The following COA1 variants were observed in gnomAD, a reference collection of about 807,000 sequenced individuals.
COA1 encodes the protein cytochrome c oxidase assembly factor 1.
In COA1, 13 loss-of-function variants were observed where a neutral mutation model predicts 16.0. The observed-to-expected ratio is 0.81, with a 90% CI of 0.53 to 1.29. COA1 has a LOEUF of 1.29. Ranked by LOEUF, COA1 falls within the 50% of genes most tolerant of loss-of-function variation. The pLI is 0.00. For missense variants in COA1, 179 were observed against 177.0 expected (o/e 1.01, Z -0.06); for synonymous variants, 65 against 65.7 (o/e 0.99, Z 0.05).
chr7:43,649,413 G>A (rs887626717), intron 1 of COA1: 17 of 152,246 alleles, frequency 1.1e-4, no homozygotes, highest in Admixed American at 9.8e-4. Flanking sequence ...AACAAACAGT[G>A]TCTCTGAGCT....
At chr7:43,620,766 GTTT>G (rs950504136) in intron 6 of COA1, among the ~76,000 whole-genome samples, 7 of 152,168 alleles carry the variant, frequency 4.6e-5, no homozygotes, top group African/African-American at 1.4e-4. Context: ...TGGAAAGGCA[GTTT>G]TTTAGACCAG....
intron 6 of COA1, among the ~76,000 whole-genome samples, chr7:43,620,051 A>C (rs943122551): frequency 6.6e-6 from 1 of 152,204 alleles, no homozygotes; most frequent in Non-Finnish European, 1.5e-5. Flanking sequence ...AGGACCTTTA[A>C]GGATGTTCTG....
chr7:43,647,404 G>A (rs1248732607), intron 3 of COA1, 131 bp downstream of exon 3: 3 of 719,636 alleles, frequency 4.2e-6, no homozygotes, highest in Non-Finnish European at 7.5e-6. Context: ...ACGAAATGGT[G>A]GACTAGCCTT....
intron 1 of COA1, among the ~76,000 whole-genome samples, chr7:43,662,393 C>A (rs1327531152): frequency 1.3e-5 from 2 of 152,154 alleles, no homozygotes; most frequent in South Asian, 2.1e-4. Flanking sequence ...CCACGCCCAG[C>A]TAAATTTTTT....
At chr7:43,678,981 T>G (rs1168701568) in intron 1 of COA1, among the ~76,000 whole-genome samples, 2 of 152,216 alleles carry the variant, frequency 1.3e-5, no homozygotes, top group African/African-American at 2.4e-5. Flanking sequence ...AAAGGAAAAT[T>G]TATAAGTATC....
chr7:43,646,428 T>C, intron 3 of COA1: 1 of 388,610 alleles, frequency 2.6e-6, no homozygotes, highest in Admixed American at 2.9e-5. Context: ...GCACTAACAT[T>C]ACCACACATC....
At position 43,619,461 on chromosome 7, in the gene COA1, A is replaced by G. The variant is rs2083649494; in HGVS notation, c.*134-9966T>C. The stretch of plus-strand genomic sequence containing the variant: ...TACATAGGCAATAAATTGTAAAAAT[A>G]TTTCTTTAACAAATGACTGTTTACT... On this transcript the variant is annotated intron_variant and NMD_transcript_variant, in intron 6 of 6. Coordinates refer to the COA1 transcript ENST00000415076. 3.7e-5 allele frequency: 43 copies of G among 1,156,496 alleles called. 1 individual carries two copies. In the South Asian group the frequency reaches 6.3e-4, roughly 17 times the overall value. The allele number at this position is 1,156,496 out of a possible 1,614,324, so 71.6% of individuals were successfully genotyped here.
intron 6 of COA1, among the ~76,000 whole-genome samples, chr7:43,610,933 A>G (rs1336911626): frequency 6.6e-6 from 1 of 152,140 alleles, no homozygotes; most frequent in Admixed American, 6.5e-5. Flanking sequence ...CCTAGCCAAC[A>G]TGGTGAAACC....
rs2095596013 is a variant in COA1, at chr7:43,725,422, AAC to A, written c.-39+4005_-39+4006del. Among the ~76,000 whole-genome samples the A allele has an allele frequency of 1.3e-5, 2 of 152,218 alleles. 1 individual carries two copies. The highest frequency in any genetic ancestry group is 4.1e-4 in the South Asian group (2 of 4,832). On this transcript the variant is annotated intron_variant, in intron 1 of 5. Coordinates refer to ENST00000223336, the MANE Select transcript of COA1 (RefSeq NM_018224.4). ...GAAAAGACAAAACACTGAAACAAGA[AAC>A]ACACAGTTCTAACTGGAATCAAGCC...
In COA1 at chr7:43,671,853, T is replaced by G. The variant is rs549592922; in HGVS notation, c.-38-23201A>C. Among the ~76,000 whole-genome samples the G allele has an allele frequency of 2.6e-5, 4 of 152,244 alleles. No individual in the cohort carries two copies. In the East Asian group the frequency reaches 7.7e-4, roughly 29 times the overall value. On this transcript the variant is annotated intron_variant, in intron 1 of 5. Transcript: ENST00000223336. ...CGTCTGCCATTTCCACTGCTTGCACTCATTCTCTCTCCTGCTGCCCTGTGA... is the reference window on the plus strand; with the variant it reads ...CGTCTGCCATTTCCACTGCTTGCACGCATTCTCTCTCCTGCTGCCCTGTGA...
chr7:43,638,566 C>CTTTTT (rs746584234), downstream of COA1, among the ~76,000 whole-genome samples: 71 of 97,380 alleles, frequency 7.3e-4, no homozygotes, highest in Non-Finnish European at 1.0e-3. Context: ...TTTTTCTTTC[C>CTTTTT]TTTTTTTTTT....
intron 6 of COA1, among the ~76,000 whole-genome samples, chr7:43,629,777 C>T (rs2084983927): frequency 1.3e-5 from 2 of 152,082 alleles, no homozygotes. Context: ...TGTGATTTGC[C>T]CAAGAGCTCA....
rs151289116 is a variant in COA1 at position 43,652,411 on chromosome 7, A to G, written c.-38-3759T>C. Reference sequence around the variant, plus strand: ...ATGCACTACTCCTGGTTCTTAAAACAATCATGAAAGGTAGATATTATTTTT... The same window carrying G: ...ATGCACTACTCCTGGTTCTTAAAACGATCATGAAAGGTAGATATTATTTTT... On this transcript the variant is annotated intron_variant, in intron 1 of 5. Transcript: ENST00000223336. 2.5e-4 allele frequency among the ~76,000 whole-genome samples: 38 copies of G among 152,318 alleles called. No individual in the cohort carries two copies. In the East Asian group the frequency reaches 7.1e-3, roughly 29 times the overall value.
At chr7:43,613,908 G>A (rs149152312) in intron 6 of COA1, among the ~76,000 whole-genome samples, 177 of 152,194 alleles carry the variant, frequency 1.2e-3, no homozygotes, top group African/African-American at 4.1e-3. Flanking sequence ...CAGAAGCTGG[G>A]ACTTTCCATA....
At position 43,665,181 on chromosome 7, in the gene COA1, C is replaced by T. The variant is rs527978012; in HGVS notation, c.-38-16529G>A. Among the ~76,000 whole-genome samples the T allele has an allele frequency of 4.3e-4, 66 of 152,206 alleles. No individual in the cohort carries two copies. The South Asian group carries it at 0.012, about 28-fold the overall frequency. On this transcript the variant is annotated intron_variant, in intron 1 of 5. Transcript: ENST00000223336. The stretch of plus-strand genomic sequence containing the variant: ...ACACCGTTATTACTACTGTGAACTA[C>T]AACTTCAATAAAATGGGGAAAAAAA...
intron 6 of COA1, among the ~76,000 whole-genome samples, chr7:43,633,670 G>C (rs150325555): frequency 6.6e-6 from 1 of 152,162 alleles, no homozygotes; most frequent in East Asian, 1.9e-4. Flanking sequence ...AGACTTGCTC[G>C]ACAGTCGCCA....
chr7:43,634,766 T>C (rs1466836709), downstream of COA1, among the ~76,000 whole-genome samples: 1 of 152,232 alleles, frequency 6.6e-6, no homozygotes, highest in Non-Finnish European at 1.5e-5. Flanking sequence ...GAGTTCTCCA[T>C]CTTTCTAAGT....
chr7:43,687,007 TC>T (rs901829765), intron 1 of COA1, among the ~76,000 whole-genome samples: 1 of 152,176 alleles, frequency 6.6e-6, no homozygotes, highest in African/African-American at 2.4e-5. Context: ...TCCTATTCCC[TC>T]CTATACTTTA....
chr7:43,714,492 G>A (rs2095339652), intron 1 of COA1, among the ~76,000 whole-genome samples: 1 of 151,900 alleles, frequency 6.6e-6, no homozygotes, highest in South Asian at 2.1e-4. Context: ...AGCCGGGTAT[G>A]GTGGTGCAAG....
Sources: allele counts gnomAD v4.1 joint callset (sites outside exome capture counted in the v4.1 genomes callset), GRCh38; gene constraint gnomAD v4.1.1; transcripts MANE v1.5; gene names NCBI Gene and HGNC (gene_info 2026-07-23, HGNC 2026-07-21).